The following PRH1 variants were observed in gnomAD, a reference collection of about 807,000 sequenced individuals.
The protein encoded by PRH1 is proline rich protein HaeIII subfamily 1.
A neutral mutation model predicts 7.9 loss-of-function variants in PRH1; 7 were observed. The ratio of observed to expected loss-of-function variants is 0.89; its 90% CI spans 0.50 to 1.67. The LOEUF is 1.67. PRH1 is among the 40% of genes most tolerant of loss of function. PRH1 has a pLI of 0.00. For missense variants in PRH1, 109 were observed against 223.6 expected (o/e 0.49, Z 3.27); for synonymous variants, 45 against 80.8 (o/e 0.56, Z 2.38).
At chr12:11,135,050 A>G (rs1488177391) in intron 1 of PRH1, among the ~76,000 whole-genome samples, 1 of 152,160 alleles carries the variant, frequency 6.6e-6, no homozygotes, top group Admixed American at 6.6e-5. Flanking sequence ...GCCCACGAAT[A>G]ATGTTTATTT....
intron 2 of PRH1, among the ~76,000 whole-genome samples, chr12:10,970,546 TA>T (rs1938756621): frequency 6.7e-6 from 1 of 150,326 alleles, no homozygotes; most frequent in African/African-American, 2.4e-5. Flanking sequence ...TTTTTAAAAT[TA>T]AAGAAAAGTT....
chr12:10,953,603 T>C (rs1184110786), intron 2 of PRH1, among the ~76,000 whole-genome samples: 1 of 152,098 alleles, frequency 6.6e-6, no homozygotes, highest in Non-Finnish European at 1.5e-5. Context: ...CCAAGAAATA[T>C]AATATTTTGT....
intron 1 of PRH1, among the ~76,000 whole-genome samples, chr12:10,977,487 C>T (rs1338886142): frequency 6.6e-6 from 1 of 152,080 alleles, no homozygotes; most frequent in Non-Finnish European, 1.5e-5. Context: ...AAGTATTCCC[C>T]TGGAAGATAG....
chr12:11,080,997 C>T (rs796832757), intron 1 of PRH1, among the ~76,000 whole-genome samples: 10,034 of 63,286 alleles, frequency 0.16, 870 homozygotes, highest in Middle Eastern at 0.28. Flanking sequence ...TGATTTAAGT[C>T]ATCATGCCTG....
chr12:11,021,358 AAG>A (rs1365489671), intron 1 of PRH1, among the ~76,000 whole-genome samples: 4 of 152,192 alleles, frequency 2.6e-5, no homozygotes, highest in African/African-American at 2.4e-5. Context: ...CTTAATTATA[AAG>A]AGAGATAATA....
chr12:11,022,840 C>T (rs995008095), intron 1 of PRH1, among the ~76,000 whole-genome samples: 13 of 140,294 alleles, frequency 9.3e-5, no homozygotes, highest in African/African-American at 3.3e-4. Flanking sequence ...ATATGCTGTA[C>T]TTTTTTATAC....
intron 1 of PRH1, chr12:10,986,076 A>T: frequency 6.2e-7 from 1 of 1,614,096 alleles, no homozygotes; most frequent in East Asian, 2.2e-5. Flanking sequence ...CTTGCTAACC[A>T]TGACAACCGG....
intron 1 of PRH1, among the ~76,000 whole-genome samples, chr12:11,035,469 A>C (rs545700438): frequency 2.0e-5 from 3 of 152,132 alleles, no homozygotes; most frequent in East Asian, 3.9e-4. Context: ...TTTTTGTCTT[A>C]TTGTTTTAGA....
In PRH1 at chr12:11,093,437, T is replaced by C. The variant is rs1216828818; in HGVS notation, n.124-46249A>G. Among the ~76,000 whole-genome samples, 3 of 115,888 alleles carry C rather than the reference T, an allele frequency of 2.6e-5. 1 individual carries two copies. Among genetic ancestry groups the C allele is most frequent in the African/African-American group, 5.8e-5 (2 of 34,540 alleles). 76.0% of individuals were successfully genotyped at this position (115,888 alleles called of 152,430 possible). A position where few individuals can be genotyped will look rare whatever the true frequency, so the allele number is the denominator to read the frequency against. ...TTATGAATGGAACAAATTATTTTCT[T>C]GTAATTTCCAAAATAAAAAATGAGT... is the stretch of plus-strand genomic sequence containing the variant. On this transcript the variant is annotated intron_variant and non_coding_transcript_variant, in intron 1 of 4. Coordinates refer to the PRH1 transcript ENST00000541977.
chr12:10,918,074 C>T (rs546783015), intron 2 of PRH1, among the ~76,000 whole-genome samples: 1 of 152,274 alleles, frequency 6.6e-6, no homozygotes, highest in Admixed American at 6.5e-5. Flanking sequence ...TTTGCAGGGA[C>T]ATGGATGAAG....
exon 1 of PRH1, chr12:11,047,024 T>A (rs1305344915): frequency 2.0e-6 from 1 of 508,970 alleles, no homozygotes; most frequent in East Asian, 5.6e-5. Context: ...ACTCACCTCA[T>A]ATGGATAGAT....
intron 1 of PRH1, chr12:11,061,924 C>A: frequency 6.2e-7 from 1 of 1,613,978 alleles, no homozygotes; most frequent in Non-Finnish European, 8.5e-7. Context: ...ACTCTTAACT[C>A]TCCTCTTTAA....
intron 2 of PRH1, among the ~76,000 whole-genome samples, chr12:10,931,446 C>T (rs1950211896): frequency 6.6e-6 from 1 of 152,222 alleles, no homozygotes; most frequent in Non-Finnish European, 1.5e-5. Context: ...TCCTGCCTCA[C>T]ACTAGCATTT....
At chr12:10,941,747 G>C (rs1950404951) in intron 2 of PRH1, among the ~76,000 whole-genome samples, 1 of 151,896 alleles carries the variant, frequency 6.6e-6, no homozygotes, top group African/African-American at 2.4e-5. Flanking sequence ...TCTTGGTTTG[G>C]ATCCATTGCT....
intron 2 of PRH1, among the ~76,000 whole-genome samples, chr12:10,904,286 A>T (rs1380005994): frequency 6.6e-6 from 1 of 152,060 alleles, no homozygotes; most frequent in South Asian, 2.1e-4. Flanking sequence ...TATACTATAA[A>T]GCTACAGTAA....
In PRH1 at chr12:11,072,570, C is replaced by T. The variant is rs371624053; in HGVS notation, n.124-25382G>A. Among the ~76,000 whole-genome samples, 122 of 152,324 alleles carry T rather than the reference C, an allele frequency of 8.0e-4. No homozygotes were observed. The East Asian group carries it at 0.022, about 27-fold the overall frequency. On this transcript the variant is annotated intron_variant and non_coding_transcript_variant, in intron 1 of 4. Coordinates refer to the PRH1 transcript ENST00000541977. ...GGAATGGAATTGATCACTACCATGA[C>T]AAAACACTTGAAAGTTACAGGGGAT...
At chr12:11,109,423 G>A (rs1458266183) in intron 1 of PRH1, among the ~76,000 whole-genome samples, 1 of 152,144 alleles carries the variant, frequency 6.6e-6, no homozygotes, top group Admixed American at 6.5e-5. Context: ...GGAGAGCTCT[G>A]CCTGACATCT....
chr12:10,939,152 A>G (rs772834622), intron 2 of PRH1: 8 of 1,602,474 alleles, frequency 5.0e-6, no homozygotes, highest in South Asian at 3.4e-5. Context: ...TAAATTTCCA[A>G]TTATAAATTC....
intron 1 of PRH1, chr12:11,030,555 A>G: frequency 6.2e-7 from 1 of 1,614,224 alleles, no homozygotes; most frequent in Non-Finnish European, 8.5e-7. Flanking sequence ...CAGAACATGA[A>G]GACAGGTTTG....
Sources: gnomAD v4.1 joint callset for allele counts (sites outside exome capture counted in the v4.1 genomes callset) on GRCh38, gnomAD v4.1.1 for gene constraint, MANE v1.5 for transcripts, NCBI Gene and HGNC (gene_info 2026-07-23, HGNC 2026-07-21) for gene names.